UBE2N: variants seen among roughly 807,000 people sequenced by gnomAD.
UBE2N encodes the protein ubiquitin conjugating enzyme E2 N, also known as ubiquitin-conjugating enzyme E2 N.
For missense variants in UBE2N, 60 were observed against 192.1 expected (o/e 0.31, Z 4.07); for synonymous variants, 70 against 69.2 (o/e 1.01, Z -0.06).
chr12:93,432,866 T>C (rs1342963339), intron 1 of UBE2N, among the ~76,000 whole-genome samples: 1 of 151,804 alleles, frequency 6.6e-6, no homozygotes, highest in African/African-American at 2.4e-5. Context: ...TCTCAGTTAC[T>C]GGCCAATTCA....
chr12:93,423,175 T>A (rs1243791742), intron 1 of UBE2N, among the ~76,000 whole-genome samples: 5 of 152,260 alleles, frequency 3.3e-5, no homozygotes, highest in Non-Finnish European at 7.3e-5. Flanking sequence ...GTGTGAGCAC[T>A]GAAATCATCG....
chr12:93,407,269 GT>G lies in UBE2N; in HGVS notation c.*2769del, dbSNP rs1877871157. Reference sequence around the variant, plus strand: ...TCATCTGGCCTGAATCCAAAAGTCTGTCCAAGTTACTTCTCTTTTCCATGAC... The same window carrying G: ...TCATCTGGCCTGAATCCAAAAGTCTGCCAAGTTACTTCTCTTTTCCATGAC... On this transcript the variant is annotated 3_prime_UTR_variant, in exon 4 of 4. Transcript: ENST00000318066. The G allele has an allele frequency of 6.6e-6, 1 of 152,298 alleles. No homozygotes were observed. Among genetic ancestry groups the G allele is most frequent in the Non-Finnish European group, 1.5e-5 (1 of 68,150 alleles). The allele number at this position is 152,298 out of a possible 1,614,324, so 9.4% of individuals were successfully genotyped here. A position where few individuals can be genotyped will look rare whatever the true frequency, so the allele number is the denominator to read the frequency against.
intron 1 of UBE2N, among the ~76,000 whole-genome samples, chr12:93,430,802 T>TTA (rs992126430): frequency 6.8e-5 from 10 of 147,710 alleles, no homozygotes; most frequent in African/African-American, 9.8e-5. Context: ...AATATATATT[T>TTA]TATATATATA....
At chr12:93,433,917 C>T (rs1326658127) in intron 1 of UBE2N, among the ~76,000 whole-genome samples, 1 of 152,120 alleles carries the variant, frequency 6.6e-6, no homozygotes, top group Non-Finnish European at 1.5e-5. Context: ...GAAGAAGAAC[C>T]GAATTGTACA....
At chr12:93,410,680 T>C in intron 3 of UBE2N, 54 bp downstream of exon 3, 2 of 1,605,786 alleles carry the variant, frequency 1.2e-6, no homozygotes, top group African/African-American at 1.3e-5. Flanking sequence ...GTTTAAGTGG[T>C]AATACAAATT....
chr12:93,419,044 G>C (rs919794356), intron 1 of UBE2N, among the ~76,000 whole-genome samples: 1 of 152,096 alleles, frequency 6.6e-6, no homozygotes, highest in Admixed American at 6.6e-5. Flanking sequence ...TCATATAATA[G>C]GTAAAATTTT....
rs1482899684 is a variant in UBE2N, at chr12:93,409,645, C to T, written c.*394G>A. 1 of 173,062 alleles carries T rather than the reference C, an allele frequency of 5.8e-6. No individual in the cohort carries two copies. The highest frequency in any genetic ancestry group is 2.4e-5 in the African/African-American group (1 of 41,476). The allele number at this position is 173,062 out of a possible 1,614,324, so 10.7% of individuals were successfully genotyped here. A position where few individuals can be genotyped will look rare whatever the true frequency, so the allele number is the denominator to read the frequency against. On this transcript the variant is annotated 3_prime_UTR_variant, in exon 4 of 4. Transcript: ENST00000318066. Reference sequence around the variant, plus strand: ...TCACCAAAAAAGGGGGAAAGGAGCCCATAAAATTAAACTACCTCCCCCCTC... The same window carrying T: ...TCACCAAAAAAGGGGGAAAGGAGCCTATAAAATTAAACTACCTCCCCCCTC...
intron 1 of UBE2N, among the ~76,000 whole-genome samples, chr12:93,424,056 T>TTTG (rs555633689): frequency 6.6e-6 from 1 of 152,190 alleles, no homozygotes; most frequent in Admixed American, 6.5e-5. Flanking sequence ...TAGAATGTTT[T>TTTG]TTGTTGTTGT....
In UBE2N at chr12:93,407,694, G is replaced by A. The variant is rs1490804726; in HGVS notation, c.*2345C>T. 1 of 152,188 alleles carries A rather than the reference G, an allele frequency of 6.6e-6. No homozygotes were observed. Among genetic ancestry groups the A allele is most frequent in the African/African-American group, 2.4e-5 (1 of 41,444 alleles). 9.4% of individuals were successfully genotyped at this position (152,188 alleles called of 1,614,324 possible). A position where few individuals can be genotyped will look rare whatever the true frequency, so the allele number is the denominator to read the frequency against. ...TGCAAATCTCCCAATTTTTAAAAAT[G>A]TTGGCATCAAATTCAGAATGTTTTA... On this transcript the variant is annotated 3_prime_UTR_variant, in exon 4 of 4. Coordinates refer to ENST00000318066, the MANE Select transcript of UBE2N (RefSeq NM_003348.4).
intron 1 of UBE2N, among the ~76,000 whole-genome samples, chr12:93,422,445 C>T (rs1357081940): frequency 6.6e-6 from 1 of 152,198 alleles, no homozygotes; most frequent in Non-Finnish European, 1.5e-5. Context: ...AAGGACCTAG[C>T]TTAGTAACAC....
chr12:93,423,594 G>A (rs920622782), intron 1 of UBE2N, among the ~76,000 whole-genome samples: 3 of 152,190 alleles, frequency 2.0e-5, no homozygotes, highest in African/African-American at 7.2e-5. Flanking sequence ...AGAGGCTCAA[G>A]AGTTAGCACA....
chr12:93,439,328 A>G (rs1385147591), intron 1 of UBE2N, among the ~76,000 whole-genome samples: 1 of 152,178 alleles, frequency 6.6e-6, no homozygotes, highest in Non-Finnish European at 1.5e-5. Flanking sequence ...CCCTACAAAA[A>G]TTAGCTGGGT....
chr12:93,433,898 G>C (rs1179589819), intron 1 of UBE2N, among the ~76,000 whole-genome samples: 1 of 152,178 alleles, frequency 6.6e-6, no homozygotes, highest in Non-Finnish European at 1.5e-5. Context: ...ATAAGGTATA[G>C]GGAAAAAAGA....
chr12:93,431,894 C>T (rs529127418), intron 1 of UBE2N, among the ~76,000 whole-genome samples: 7 of 152,306 alleles, frequency 4.6e-5, no homozygotes, highest in African/African-American at 1.7e-4. Flanking sequence ...CTCACTCACA[C>T]TCCCTCCTTC....
chr12:93,422,961 A>T (rs1240532951), intron 1 of UBE2N, among the ~76,000 whole-genome samples: 1 of 152,248 alleles, frequency 6.6e-6, no homozygotes, highest in African/African-American at 2.4e-5. Context: ...GTGGTCACAC[A>T]AAAGGACTGC....
intron 1 of UBE2N, among the ~76,000 whole-genome samples, chr12:93,438,500 A>T (rs1879003754): frequency 6.6e-6 from 1 of 152,044 alleles, no homozygotes; most frequent in African/African-American, 2.4e-5. Context: ...GCTACAGTGG[A>T]GTGACCCAGA....
chr12:93,410,555 T>C, intron 3 of UBE2N, 179 bp downstream of exon 3: 1 of 851,918 alleles, frequency 1.2e-6, no homozygotes, highest in East Asian at 2.6e-5. Flanking sequence ...GTTGTCTTTA[T>C]ATTTGGGGGG....
Position 93,406,499 on chromosome 12 carries a change from T to C in UBE2N, c.*3540A>G, listed in dbSNP as rs1158277996. ...TTAATCTTATTTTTAAGTGCTTCTT[T>C]GAAATTGTTTTACAAGTACATTCTT... On this transcript the variant is annotated 3_prime_UTR_variant, in exon 4 of 4. Transcript: ENST00000318066. 1 of 152,182 alleles carries C rather than the reference T, an allele frequency of 6.6e-6. No homozygotes were observed. Among genetic ancestry groups the C allele is most frequent in the Non-Finnish European group, 1.5e-5 (1 of 68,048 alleles). The allele number at this position is 152,182 out of a possible 1,614,324, so 9.4% of individuals were successfully genotyped here.
In UBE2N at chr12:93,406,275, C is replaced by CAAAAAAAAAAAAAAAAAAAAAAAAAAAA. The variant is rs58309798; in HGVS notation, c.*3736_*3763dup. ...AGAGCTAGAAAGTGGCTAGAGCAGC[C>CAAAAAAAAAAAAAAAAAAAAAAAAAAAA]AAAAAAAAAAAAAAAAAAAAAAAAA... On this transcript the variant is annotated 3_prime_UTR_variant, in exon 4 of 4. Transcript: ENST00000318066. 3 of 38,002 alleles carry CAAAAAAAAAAAAAAAAAAAAAAAAAAAA rather than the reference C, an allele frequency of 7.9e-5. No homozygotes were observed. The highest frequency in any genetic ancestry group is 4.9e-4 in the Admixed American group (1 of 2,044). 2.4% of individuals were successfully genotyped at this position (38,002 alleles called of 1,614,324 possible). A position where few individuals can be genotyped will look rare whatever the true frequency, so the allele number is the denominator to read the frequency against.
Sources: allele counts gnomAD v4.1 joint callset (sites outside exome capture counted in the v4.1 genomes callset), GRCh38; gene constraint gnomAD v4.1.1; transcripts MANE v1.5; gene names NCBI Gene and HGNC (gene_info 2026-07-23, HGNC 2026-07-21).